KIDINS220: variants seen among roughly 807,000 people sequenced by gnomAD.
KIDINS220 encodes the protein kinase D-interacting substrate of 220 kDa.
KIDINS220 carries 63 observed loss-of-function variants against 157.6 expected under a neutral mutation model. That is an observed-to-expected ratio of 0.40 (90% CI 0.33 to 0.49). The LOEUF is 0.49. Among genes scored for constraint, KIDINS220 ranks in the 20% least tolerant of loss-of-function variants. KIDINS220 has a pLI of 0.66. For synonymous variants in KIDINS220, 732 were observed against 783.6 expected (o/e 0.93, Z 1.10); for missense variants, 1,772 against 2,171.2 (o/e 0.82, Z 3.65).
Position 8,735,515 on chromosome 2 carries a change from A to G in KIDINS220, c.3718-762T>C, listed in dbSNP as rs1228260841. On this transcript the variant is annotated intron_variant, in intron 27 of 29. Transcript: ENST00000256707. The stretch of plus-strand genomic sequence containing the variant: ...GCCACTGCACTCCAGCCTGGGTGAC[A>G]TAGCAGGACTCCATCTCAAAGAAAA... 5.9e-5 allele frequency among the ~76,000 whole-genome samples: 9 copies of G among 152,182 alleles called. 1 individual carries two copies. Among genetic ancestry groups the G allele is most frequent in the Admixed American group, 3.3e-4 (5 of 15,276 alleles).
intron 1 of KIDINS220, among the ~76,000 whole-genome samples, chr2:8,835,224 T>C (rs559080159): frequency 1.7e-4 from 26 of 152,234 alleles, no homozygotes; most frequent in African/African-American, 6.3e-4. Flanking sequence ...CTAGAACAGG[T>C]AGAAACTTAA....
intron 1 of KIDINS220, among the ~76,000 whole-genome samples, chr2:8,833,193 T>A (rs1679903705): frequency 6.6e-6 from 1 of 152,226 alleles, no homozygotes; most frequent in South Asian, 2.1e-4. Flanking sequence ...CAGCCTCTCT[T>A]TATCACTCCC....
chr2:8,749,284 C>A, intron 24 of KIDINS220: 1 of 372,648 alleles, frequency 2.7e-6, no homozygotes, highest in South Asian at 2.1e-5. Flanking sequence ...GCAGTTTAGG[C>A]ACTAGGCTTC....
rs569395495 is a variant in KIDINS220, at chr2:8,760,829, C to T, written c.3012-9185G>A. 1.6e-3 allele frequency among the ~76,000 whole-genome samples: 238 copies of T among 152,268 alleles called. 2 individuals are homozygous for T. Among genetic ancestry groups the T allele is most frequent in the Middle Eastern group, 6.8e-3 (2 of 294 alleles). ...CTTTTGCATAAGATCTGGAGACAGG[C>T]TTCCACTGGGAGTACAAGTCTAAAA... is the stretch of plus-strand genomic sequence containing the variant. On this transcript the variant is annotated intron_variant, in intron 22 of 29. Coordinates refer to ENST00000256707, the MANE Select transcript of KIDINS220 (RefSeq NM_020738.4).
intron 22 of KIDINS220, among the ~76,000 whole-genome samples, chr2:8,753,249 C>A (rs1200448558): frequency 6.6e-6 from 1 of 151,906 alleles, no homozygotes; most frequent in African/African-American, 2.4e-5. Flanking sequence ...ACTACTGATA[C>A]AAAGAACATG....
At chr2:8,788,074 T>C (rs1240534400) in intron 15 of KIDINS220, among the ~76,000 whole-genome samples, 1 of 152,182 alleles carries the variant, frequency 6.6e-6, no homozygotes, top group East Asian at 1.9e-4. Flanking sequence ...AGAAAAGGTT[T>C]ATGCTTAAAT....
Position 8,800,395 on chromosome 2 carries a change from C to A in KIDINS220, c.900+5G>T, listed in dbSNP as rs772773265. The A allele has an allele frequency of 3.5e-5, 56 of 1,588,252 alleles. No homozygotes were observed. Among genetic ancestry groups the A allele is most frequent in the Non-Finnish European group, 4.8e-5 (56 of 1,161,298 alleles). ...AGATAGCAACTGCACTGTAATCACACATACCTGTCCTCTAATGTCTATATC... is the reference window on the plus strand; with the variant it reads ...AGATAGCAACTGCACTGTAATCACAAATACCTGTCCTCTAATGTCTATATC... On this transcript the variant is annotated splice_donor_5th_base_variant and intron_variant, in intron 9 of 29. Coordinates refer to ENST00000256707, the MANE Select transcript of KIDINS220 (RefSeq NM_020738.4).
chr2:8,768,072 T>A (rs1274673043), intron 22 of KIDINS220, among the ~76,000 whole-genome samples: 2 of 152,190 alleles, frequency 1.3e-5, no homozygotes, highest in African/African-American at 4.8e-5. Context: ...TAAAGCACTA[T>A]CTTCATGAAA....
chr2:8,757,884 T>C lies in KIDINS220; in HGVS notation c.3012-6240A>G, dbSNP rs1371489479. The C allele has an allele frequency of 2.2e-5, 24 of 1,114,870 alleles. No homozygotes were observed. In the South Asian group the frequency reaches 3.2e-4, roughly 15 times the overall value. 69.1% of individuals were successfully genotyped at this position (1,114,870 alleles called of 1,614,324 possible). On this transcript the variant is annotated intron_variant, in intron 22 of 29. Coordinates refer to ENST00000256707, the MANE Select transcript of KIDINS220 (RefSeq NM_020738.4). The stretch of plus-strand genomic sequence containing the variant: ...TTCTTTGTTGGTTTTGTTTTTAAGA[T>C]GGAGTTTCACTCTTGTTGCCCAGGC...
In KIDINS220 at chr2:8,785,865, A is replaced by C. The variant is rs770322603; in HGVS notation, c.2105T>G (p.Leu702Trp). The C allele has an allele frequency of 6.2e-7, 1 of 1,614,184 alleles. No homozygotes were observed. Among genetic ancestry groups the C allele is most frequent in the South Asian group, 1.1e-5 (1 of 91,086 alleles). Residue 702 changes from leucine to tryptophan, a missense_variant, in exon 17 of 30, where the codon TTG (leucine) becomes TGG (tryptophan). Around this residue, in one of 3 missense-constraint regions of KIDINS220, gnomAD observed 725 missense variants for 1,017.1 expected, o/e 0.71. Coordinates refer to ENST00000256707, the MANE Select transcript of KIDINS220 (RefSeq NM_020738.4). The part of the protein sequence containing the change: ...VLISIASVVG[L>W]AFVLNCRTWW... ...TGTACGACAGTTCAACACAAAGGCC[A>C]ATCCCACTACAGATGCGATTGATAT...
intron 22 of KIDINS220, among the ~76,000 whole-genome samples, chr2:8,760,812 T>C (rs1338285917): frequency 6.6e-6 from 1 of 152,196 alleles, no homozygotes; most frequent in Non-Finnish European, 1.5e-5. Context: ...GACTTTTGCA[T>C]AAGATCTGGA....
intron 11 of KIDINS220, 92 bp downstream of exon 11, chr2:8,796,678 AC>A (rs1390917380): frequency 1.1e-6 from 1 of 949,492 alleles, no homozygotes; most frequent in Non-Finnish European, 1.7e-6. Context: ...TCCCCACACA[AC>A]CTAAAATCAG....
At chr2:8,734,203 C>T (rs1355213924) in intron 28 of KIDINS220, among the ~76,000 whole-genome samples, 2 of 150,768 alleles carry the variant, frequency 1.3e-5, no homozygotes, top group African/African-American at 4.9e-5. Flanking sequence ...CAGGGTGAGC[C>T]GACATCACCT....
At chr2:8,780,446 G>C (rs1671533118) in intron 17 of KIDINS220, among the ~76,000 whole-genome samples, 1 of 151,886 alleles carries the variant, frequency 6.6e-6, no homozygotes, top group Non-Finnish European at 1.5e-5. Flanking sequence ...GCTGGTTTCT[G>C]GTTCTACATA....
At chr2:8,749,427 G>A in intron 24 of KIDINS220, 1 of 456,034 alleles carries the variant, frequency 2.2e-6, no homozygotes, top group African/African-American at 2.0e-5. Context: ...TTTTCCTACA[G>A]GAAATATTAG....
At chr2:8,745,812 T>C (rs1167243271) in intron 26 of KIDINS220, among the ~76,000 whole-genome samples, 2 of 152,082 alleles carry the variant, frequency 1.3e-5, no homozygotes. Flanking sequence ...AAAAACAACC[T>C]ATTGCCTGCT....
intron 8 of KIDINS220, among the ~76,000 whole-genome samples, 189 bp from the exon 9 acceptor site, chr2:8,800,687 G>A (rs888430619): frequency 6.6e-6 from 1 of 151,934 alleles, no homozygotes; most frequent in Non-Finnish European, 1.5e-5. Context: ...TCAGAGTAAG[G>A]GACAGAGGAC....
Position 8,785,561 on chromosome 2 carries a change from G to A in KIDINS220, c.2229+180C>T, listed in dbSNP as rs139465814. Among the ~76,000 whole-genome samples, 28 of 152,238 alleles carry A rather than the reference G, an allele frequency of 1.8e-4. 1 individual carries two copies. The East Asian group carries it at 2.5e-3, about 14-fold the overall frequency. ...TTTGCACTTCCCTCTAAATTTTACCGTGAACTTAAAACTACCTTAAATTAT... is the reference window on the plus strand; with the variant it reads ...TTTGCACTTCCCTCTAAATTTTACCATGAACTTAAAACTACCTTAAATTAT... On this transcript the variant is annotated intron_variant, in intron 17 of 29. Transcript: ENST00000256707.
At chr2:8,769,711 G>A (rs562664695) in intron 22 of KIDINS220, among the ~76,000 whole-genome samples, 4 of 152,212 alleles carry the variant, frequency 2.6e-5, no homozygotes, top group Admixed American at 6.5e-5. Context: ...ATAAAACCTT[G>A]TATGTACAAT....
Sources: gnomAD v4.1 joint callset for allele counts (sites outside exome capture counted in the v4.1 genomes callset) on GRCh38, gnomAD v4.1.1 for gene constraint, gnomAD v4.1.1 regional missense constraint, MANE v1.5 for transcripts, NCBI Gene and HGNC (gene_info 2026-07-23, HGNC 2026-07-21) for gene names.